CADPS: variants seen among roughly 807,000 people sequenced by gnomAD.
CADPS encodes calcium-dependent secretion activator 1.
A neutral mutation model predicts 167.3 loss-of-function variants in CADPS; 57 were observed. The observed-to-expected ratio is 0.34, with a 90% CI of 0.28 to 0.42. The LOEUF is 0.42. Among genes scored for constraint, CADPS ranks in the 20% least tolerant of loss-of-function variants. The pLI is 1.00. For synonymous variants in CADPS, 676 were observed against 635.3 expected, an observed-to-expected ratio of 1.06 and a Z score of -0.96; for missense variants, 1,414 against 1,738.1, an observed-to-expected ratio of 0.81 and a Z score of 3.32.
intron 8 of CADPS, among the ~76,000 whole-genome samples, chr3:62,580,688 G>A (rs1038564829): frequency 1.3e-5 from 2 of 151,936 alleles, no homozygotes; most frequent in East Asian, 3.9e-4. Context: ...CAGGAACAAT[G>A]AAGGCCATAA....
At chr3:62,494,821 G>A (rs982925684) in intron 18 of CADPS, among the ~76,000 whole-genome samples, 4 of 146,956 alleles carry the variant, frequency 2.7e-5, no homozygotes. Context: ...TTTTTTTGTT[G>A]TTTGTTTGTT....
intron 26 of CADPS, among the ~76,000 whole-genome samples, chr3:62,456,076 G>T (rs913402051): frequency 4.6e-5 from 7 of 152,192 alleles, no homozygotes; most frequent in Middle Eastern, 6.8e-3. Context: ...TTTTTGCAAG[G>T]CTCAAGGGAT....
chr3:62,618,457 A>G (rs2062676536), intron 6 of CADPS, among the ~76,000 whole-genome samples: 2 of 152,180 alleles, frequency 1.3e-5, no homozygotes, highest in African/African-American at 4.8e-5. Context: ...GCATCATGCA[A>G]TTTACCCATG....
intron 28 of CADPS, among the ~76,000 whole-genome samples, chr3:62,417,273 ACTC>A (rs1484130203): frequency 0.025 from 1,304 of 51,382 alleles, 381 homozygotes; most frequent in African/African-American, 0.089. Context: ...TTTTTCTTTT[ACTC>A]TTTTTTTTTT....
chr3:62,640,485 G>T (rs953198598), intron 6 of CADPS, among the ~76,000 whole-genome samples: 1 of 152,120 alleles, frequency 6.6e-6, no homozygotes, highest in Admixed American at 6.6e-5. Context: ...GGAAGTTGTT[G>T]TATTTTGGTT....
At position 62,492,361 on chromosome 3, in the gene CADPS, T is replaced by A; in HGVS notation, c.2813A>T (p.Glu938Val). Residue 938 changes from glutamate to valine, a missense_variant, in exon 20 of 30, where the codon GAG becomes GTG. By Grantham distance (121) the Glu-to-Val change is moderately radical. Transcript: ENST00000383710. ...LFAVDMDAAL[E>V]VQPPDTWDSF... ...GTCCCATGTGTCTGGAGGTTGCACCTCTAAGGCTGCATCCATGTCTACTGC... is the reference window on the plus strand; with the variant it reads ...GTCCCATGTGTCTGGAGGTTGCACCACTAAGGCTGCATCCATGTCTACTGC... 6.2e-7 allele frequency: 1 copy of A among 1,613,872 alleles called. No individual in the cohort carries two copies. Among genetic ancestry groups the A allele is most frequent in the Non-Finnish European group, 8.5e-7 (1 of 1,179,746 alleles).
At chr3:62,684,396 C>G (rs146870197) in intron 3 of CADPS, among the ~76,000 whole-genome samples, 5 of 152,130 alleles carry the variant, frequency 3.3e-5, no homozygotes, top group African/African-American at 1.2e-4. Context: ...CCAGGCTCAG[C>G]TTGTGTATTG....
intron 6 of CADPS, 138 bp downstream of exon 6, chr3:62,645,584 C>T: frequency 2.3e-6 from 2 of 872,616 alleles, no homozygotes; most frequent in Non-Finnish European, 3.5e-6. Context: ...GTAGGCAAGT[C>T]ATCTTGTTTG....
chr3:62,444,408 G>T (rs899033534), intron 27 of CADPS, among the ~76,000 whole-genome samples: 1 of 152,126 alleles, frequency 6.6e-6, no homozygotes, highest in Non-Finnish European at 1.5e-5. Flanking sequence ...CATTTAATTT[G>T]CACAGCAAAC....
chr3:62,859,503 T>C (rs1026577218), intron 1 of CADPS, among the ~76,000 whole-genome samples: 1 of 152,178 alleles, frequency 6.6e-6, no homozygotes, highest in Non-Finnish European at 1.5e-5. Flanking sequence ...TCTACAATTG[T>C]CTAGAACTGC....
At chr3:62,871,080 T>C (rs2082554582) in intron 1 of CADPS, among the ~76,000 whole-genome samples, 1 of 152,132 alleles carries the variant, frequency 6.6e-6, no homozygotes, top group Non-Finnish European at 1.5e-5. Context: ...AATATATCGG[T>C]AAATAATAAA....
chr3:62,631,591 C>T (rs960220972), intron 6 of CADPS, among the ~76,000 whole-genome samples: 4 of 152,140 alleles, frequency 2.6e-5, no homozygotes, highest in African/African-American at 7.2e-5. Flanking sequence ...GTGGAATCTG[C>T]TTGCTTAGTT....
intron 4 of CADPS, among the ~76,000 whole-genome samples, chr3:62,653,166 ATGTT>A (rs1438765768): frequency 6.6e-6 from 1 of 152,222 alleles, no homozygotes; most frequent in Admixed American, 6.5e-5. Flanking sequence ...AATGGATTGA[ATGTT>A]TGTGTCCTTG....
chr3:62,607,870 C>T lies in CADPS; in HGVS notation c.1326-15122G>A, dbSNP rs137931214. The stretch of plus-strand genomic sequence containing the variant: ...ACTTATGAGAAACCACTAGGAGTGG[C>T]CATGAATGCCAGGAATCTCAAAAGG... On this transcript the variant is annotated intron_variant, in intron 6 of 29. Coordinates refer to ENST00000383710, the MANE Select transcript of CADPS (RefSeq NM_003716.4). Among the ~76,000 whole-genome samples, 781 of 152,240 alleles carry T rather than the reference C, an allele frequency of 5.1e-3. 6 individuals carry two copies. Among genetic ancestry groups the T allele is most frequent in the African/African-American group, 0.017 (723 of 41,550 alleles).
intron 1 of CADPS, among the ~76,000 whole-genome samples, chr3:62,829,402 T>C (rs2074660265): frequency 6.6e-6 from 1 of 152,176 alleles, no homozygotes; most frequent in African/African-American, 2.4e-5. Context: ...CCATTTTATA[T>C]AAGAGACTTG....
rs116531691 is a variant in CADPS, at chr3:62,753,802, G to A, written c.556-29C>T. ...AGCAAGAACAAGGCCAGGAAAGACA[G>A]TAGGAGAGTTTACCACAGAGGTACC... is the stretch of plus-strand genomic sequence containing the variant. On this transcript the variant is annotated intron_variant, in intron 2 of 29. Transcript: ENST00000383710. This position sits in a 1 kb window ranked among gnomAD's most constrained non-coding sequence, Gnocchi z 4.6. The A allele has an allele frequency of 0.018, 28,644 of 1,584,800 alleles. 345 individuals carry two copies. The highest frequency in any genetic ancestry group is 0.024 in the Middle Eastern group (143 of 5,902).
At chr3:62,730,789 T>A (rs773708493) in intron 3 of CADPS, among the ~76,000 whole-genome samples, 1 of 152,176 alleles carries the variant, frequency 6.6e-6, no homozygotes, top group African/African-American at 2.4e-5. Context: ...TCTGGCAAAA[T>A]TGCACAAAGA....
At chr3:62,749,420 C>A (rs560475518) in intron 3 of CADPS, among the ~76,000 whole-genome samples, 1 of 152,274 alleles carries the variant, frequency 6.6e-6, no homozygotes, top group African/African-American at 2.4e-5. Context: ...ACAGCTTCCC[C>A]TAGGATACGA....
At chr3:62,837,463 A>C (rs1017530406) in intron 1 of CADPS, among the ~76,000 whole-genome samples, 1 of 152,206 alleles carries the variant, frequency 6.6e-6, no homozygotes, top group African/African-American at 2.4e-5. Flanking sequence ...CAGTCCAAAA[A>C]AGAAAGATGG....
Sources: allele counts gnomAD v4.1 joint callset (sites outside exome capture counted in the v4.1 genomes callset), GRCh38; gene constraint gnomAD v4.1.1; non-coding constraint Gnocchi (gnomAD v3.1); transcripts MANE v1.5; gene names NCBI Gene and HGNC (gene_info 2026-07-23, HGNC 2026-07-21).